LAMA1: variants seen among roughly 807,000 people sequenced by gnomAD.
LAMA1 encodes laminin subunit alpha 1, also known as laminin subunit alpha-1.
A neutral mutation model predicts 348.7 loss-of-function variants in LAMA1; 219 were observed. The ratio of observed to expected loss-of-function variants is 0.63; its 90% CI spans 0.56 to 0.70. LAMA1 has a LOEUF of 0.70. Ranked by LOEUF, LAMA1 falls within the 30% of genes least tolerant of loss-of-function variation. The pLI is 0.00. For synonymous variants in LAMA1, 1,487 were observed against 1,491.0 expected (o/e 1.00, Z 0.06); for missense variants, 3,744 against 3,888.0 (o/e 0.96, Z 0.99).
At chr18:6,968,250 C>T (rs2057642548) in intron 48 of LAMA1, among the ~76,000 whole-genome samples, 2 of 152,162 alleles carry the variant, frequency 1.3e-5, no homozygotes, top group African/African-American at 4.8e-5. Flanking sequence ...CAGCGCTCAG[C>T]CCCGTGAGTC....
intron 3 of LAMA1, among the ~76,000 whole-genome samples, chr18:7,052,308 G>T (rs2058065071): frequency 6.6e-6 from 1 of 151,992 alleles, no homozygotes; most frequent in South Asian, 2.1e-4. Flanking sequence ...GCAGGCGCCT[G>T]TAGTCCCCAC....
chr18:7,115,782 A>G (rs1452940587), intron 1 of LAMA1, among the ~76,000 whole-genome samples: 1 of 146,786 alleles, frequency 6.8e-6, no homozygotes, highest in Non-Finnish European at 1.5e-5. Context: ...CAGCCTGGCC[A>G]ATATGGTGAA....
At chr18:6,944,763 C>T (rs1316381540) in intron 61 of LAMA1, among the ~76,000 whole-genome samples, 1 of 152,042 alleles carries the variant, frequency 6.6e-6, no homozygotes, top group Non-Finnish European at 1.5e-5. Context: ...ATTGTTTAAG[C>T]CACACAGTCT....
intron 48 of LAMA1, among the ~76,000 whole-genome samples, chr18:6,969,106 A>G (rs377414864): frequency 2.4e-4 from 37 of 152,262 alleles, no homozygotes; most frequent in African/African-American, 7.7e-4. Flanking sequence ...GCACTTCACA[A>G]AATATGTTTT....
intron 42 of LAMA1, 39 bp from the exon 43 acceptor site, chr18:6,978,417 T>C (rs764593016): frequency 1.3e-6 from 2 of 1,533,210 alleles, no homozygotes; most frequent in Non-Finnish European, 9.0e-7. Flanking sequence ...CTTCTGGTGC[T>C]TACACACAGA....
At chr18:7,018,062 G>A (rs900866941) in intron 19 of LAMA1, among the ~76,000 whole-genome samples, 9 of 152,028 alleles carry the variant, frequency 5.9e-5, no homozygotes, top group Admixed American at 1.3e-4. Flanking sequence ...TTGGCTGTGC[G>A]CAGTGGCTCA....
intron 29 of LAMA1, among the ~76,000 whole-genome samples, chr18:7,004,924 T>C (rs1265901117): frequency 6.6e-6 from 1 of 152,138 alleles, no homozygotes; most frequent in African/African-American, 2.4e-5. Context: ...TTGTGTCTAG[T>C]CAATGCCGTG....
At chr18:7,037,202 G>A (rs1372196492) in intron 12 of LAMA1, among the ~76,000 whole-genome samples, 2 of 152,242 alleles carry the variant, frequency 1.3e-5, no homozygotes, top group East Asian at 3.9e-4. Flanking sequence ...TGTATGCCAG[G>A]CCCTCCACTA....
chr18:6,955,023 T>C, intron 57 of LAMA1: 1 of 378,642 alleles, frequency 2.6e-6, no homozygotes, highest in Non-Finnish European at 5.1e-6. Flanking sequence ...AGGGAATGCT[T>C]AAAGTGGAAT....
chr18:6,980,363 C>A (rs2057705500), intron 42 of LAMA1, among the ~76,000 whole-genome samples, 158 bp downstream of exon 42: 2 of 152,198 alleles, frequency 1.3e-5, no homozygotes. Flanking sequence ...ATTTTCATTT[C>A]TAAATCATAT....
In LAMA1 at chr18:7,067,871, GA is replaced by G. The variant is rs1394837460; in HGVS notation, c.345+12103del. ...GTCCTTTTCGCATTTTTTTTTTTTT[GA>G]GACGGCGTTTTGCTCTTGTTGCCCC... On this transcript the variant is annotated intron_variant, in intron 3 of 62. Transcript: ENST00000389658. 3.1e-5 allele frequency among the ~76,000 whole-genome samples: 4 copies of G among 127,212 alleles called. No individual in the cohort carries two copies. The Admixed American group carries it at 3.2e-4, about 10-fold the overall frequency. The allele number at this position is 127,212 out of a possible 152,430, so 83.5% of individuals were successfully genotyped here.
At chr18:6,975,290 A>G (rs534158092) in intron 45 of LAMA1, among the ~76,000 whole-genome samples, 1 of 152,184 alleles carries the variant, frequency 6.6e-6, no homozygotes, top group Non-Finnish European at 1.5e-5. Flanking sequence ...TCTCCCACAG[A>G]GTCCCCAGGA....
chr18:7,072,041 C>A (rs75029135), intron 3 of LAMA1, among the ~76,000 whole-genome samples: 1 of 152,022 alleles, frequency 6.6e-6, no homozygotes, highest in Non-Finnish European at 1.5e-5. Flanking sequence ...TGTTACAGAG[C>A]GAAGAGATGA....
intron 28 of LAMA1, among the ~76,000 whole-genome samples, chr18:7,007,948 T>TATTTA (rs2057840801): frequency 6.6e-6 from 1 of 151,766 alleles, no homozygotes; most frequent in Admixed American, 6.6e-5. Flanking sequence ...TTTATTTATT[T>TATTTA]TTGAGACGGA....
At position 7,080,320 on chromosome 18, in the gene LAMA1, G is replaced by C; in HGVS notation, c.199C>G (p.Arg67Gly). The C allele has an allele frequency of 6.2e-7, 1 of 1,614,224 alleles. No individual in the cohort carries two copies. Among genetic ancestry groups the C allele is most frequent in the Non-Finnish European group, 8.5e-7 (1 of 1,180,042 alleles). The change falls in exon 2 of 63, where the codon CGG (arginine) becomes GGG (glycine). Residue 67 changes from arginine (R) to glycine (G), a missense_variant. By Grantham distance (125) the Arg-to-Gly change is moderately radical. Transcript: ENST00000389658. ...TTTGCGCTGTTGCCATCACAGATCC[G>C]GCACTGTGGGTTTCGGACGGGCCGA... ...PGRPVRNPQC[R>G]ICDGNSANPR... is the part of the protein sequence containing the mutation.
At chr18:6,967,203 C>T (rs1335277097) in intron 48 of LAMA1, among the ~76,000 whole-genome samples, 2 of 152,150 alleles carry the variant, frequency 1.3e-5, no homozygotes, top group Non-Finnish European at 2.9e-5. Flanking sequence ...CCTGAGGTTT[C>T]AAATGTATAA....
At chr18:6,984,055 T>C (rs2057723716) in intron 39 of LAMA1, among the ~76,000 whole-genome samples, 1 of 152,188 alleles carries the variant, frequency 6.6e-6, no homozygotes, top group African/African-American at 2.4e-5. Flanking sequence ...GTAATAAAGA[T>C]TTTGTTTTAG....
intron 16 of LAMA1, among the ~76,000 whole-genome samples, 175 bp downstream of exon 16, chr18:7,031,891 A>AAC (rs386386969): frequency 3.5e-4 from 16 of 45,284 alleles, no homozygotes; most frequent in African/African-American, 2.6e-3. Flanking sequence ...AAAAAAAAAC[A>AAC]AAAAAAAAAA....
intron 1 of LAMA1, among the ~76,000 whole-genome samples, chr18:7,090,654 C>A (rs569587471): frequency 1.4e-5 from 2 of 141,142 alleles, no homozygotes; most frequent in Middle Eastern, 3.7e-3. Flanking sequence ...GAAAGAAAGA[C>A]AGGGAGAGAT....
Sources: allele counts gnomAD v4.1 joint callset (sites outside exome capture counted in the v4.1 genomes callset), GRCh38; gene constraint gnomAD v4.1.1; transcripts MANE v1.5; gene names NCBI Gene and HGNC (gene_info 2026-07-23, HGNC 2026-07-21).